The following BCKDHB variants were observed in gnomAD, a reference collection of about 807,000 sequenced individuals.
BCKDHB encodes the protein 2-oxoisovalerate dehydrogenase subunit beta, mitochondrial.
BCKDHB carries 41 observed loss-of-function variants against 48.5 expected under a neutral mutation model. The observed-to-expected ratio is 0.85, with a 90% CI of 0.66 to 1.10. BCKDHB has a LOEUF of 1.10. Among genes scored for constraint, BCKDHB ranks in the 50% least tolerant of loss-of-function variants. BCKDHB has a pLI of 0.00. For missense variants in BCKDHB, 496 were observed against 494.2 expected (o/e 1.00, Z -0.03); for synonymous variants, 201 against 174.8 (o/e 1.15, Z -1.18).
the BCKDHB span, among the ~76,000 whole-genome samples, chr6:80,377,735 T>C: frequency 6.6e-6 from 1 of 152,232 alleles, no homozygotes; most frequent in Non-Finnish European, 1.5e-5. Context: ...TGTTGTTGTT[T>C]TGCAGTAAAT....
At chr6:80,434,221 C>T in the BCKDHB span, among the ~76,000 whole-genome samples, 1 of 151,782 alleles carries the variant, frequency 6.6e-6, no homozygotes, top group East Asian at 1.9e-4. Context: ...TTCTTCATCT[C>T]GTTTGAGCCA....
chr6:80,207,027 A>G (rs529569899), intron 8 of BCKDHB, among the ~76,000 whole-genome samples: 3 of 152,194 alleles, frequency 2.0e-5, no homozygotes, highest in South Asian at 2.1e-4. Context: ...AAAATAGTTT[A>G]GGCAAACAGA....
At chr6:80,451,943 G>A in the BCKDHB span, among the ~76,000 whole-genome samples, 1 of 152,138 alleles carries the variant, frequency 6.6e-6, no homozygotes, top group Non-Finnish European at 1.5e-5. Context: ...TATCTGTGAT[G>A]TCAAATAATC....
intron 3 of BCKDHB, among the ~76,000 whole-genome samples, chr6:80,159,259 G>A (rs1443723574): frequency 4.0e-5 from 6 of 151,266 alleles, no homozygotes; most frequent in Admixed American, 1.3e-4. Context: ...CCTGCACATT[G>A]TGCACATGTA....
At chr6:80,184,933 A>G (rs1350798928) in intron 6 of BCKDHB, among the ~76,000 whole-genome samples, 1 of 152,184 alleles carries the variant, frequency 6.6e-6, no homozygotes, top group African/African-American at 2.4e-5. Context: ...TCTTTTTGCA[A>G]TAAATTTCCC....
intron 5 of BCKDHB, 33 bp from the exon 6 acceptor site, chr6:80,171,249 C>A (rs1480095104): frequency 7.4e-7 from 1 of 1,345,916 alleles, no homozygotes; most frequent in Non-Finnish European, 1.1e-6. Flanking sequence ...TATATTTTTA[C>A]TAAAATTGTC....
Position 80,344,356 on chromosome 6 carries a change from T to C in BCKDHB, c.*552T>C, listed in dbSNP as rs2128021306. The C allele has an allele frequency of 6.3e-6, 1 of 157,952 alleles. No homozygotes were observed. The highest frequency in any genetic ancestry group is 1.4e-5 in the Non-Finnish European group (1 of 72,084). The allele number at this position is 157,952 out of a possible 1,614,324, so 9.8% of individuals were successfully genotyped here. On this transcript the variant is annotated 3_prime_UTR_variant, in exon 10 of 10. Coordinates refer to ENST00000320393, the MANE Select transcript of BCKDHB (RefSeq NM_183050.4). ...TAGCATATGTATATGTGATTTTTTT[T>C]TTTTTTTTGAGACCGAGTCTCACTC... is the stretch of plus-strand genomic sequence containing the variant.
In BCKDHB at chr6:80,111,501, C is replaced by T. The variant is rs990089434; in HGVS notation, c.196+4612C>T. Reference sequence around the variant, plus strand: ...TTAATATAGTCCTTTATCCAATTCTCGTTTTTCTTGCATTTGAAGCAAGAG... The same window carrying T: ...TTAATATAGTCCTTTATCCAATTCTTGTTTTTCTTGCATTTGAAGCAAGAG... On this transcript the variant is annotated intron_variant, in intron 1 of 9. Transcript: ENST00000320393. Among the ~76,000 whole-genome samples the T allele has an allele frequency of 1.8e-4, 28 of 152,148 alleles. 1 individual carries two copies. The highest frequency in any genetic ancestry group is 3.7e-4 in the Non-Finnish European group (25 of 68,036).
chr6:80,120,830 A>G (rs867192843), intron 1 of BCKDHB, among the ~76,000 whole-genome samples: 3 of 152,058 alleles, frequency 2.0e-5, no homozygotes, highest in African/African-American at 7.2e-5. Flanking sequence ...CACTCTGATG[A>G]TAGTTTATTT....
chr6:80,372,191 C>T, the BCKDHB span, among the ~76,000 whole-genome samples: 3 of 150,944 alleles, frequency 2.0e-5, no homozygotes, highest in African/African-American at 7.3e-5. Context: ...TTGTAGAGGT[C>T]CTTGTTTAGG....
rs1020432085 is a variant in BCKDHB, at chr6:80,301,258, CA to C, written c.1038+28044del. Among the ~76,000 whole-genome samples the C allele has an allele frequency of 3.3e-5, 5 of 151,604 alleles. No homozygotes were observed. In the East Asian group the frequency reaches 9.7e-4, roughly 29 times the overall value. ...TCAATGAAACCAAGAGGTCGTTCTT[CA>C]AAAAAACAATAAGATTGACAGAACA... On this transcript the variant is annotated intron_variant, in intron 9 of 9. Transcript: ENST00000320393.
At chr6:80,409,575 C>T in the BCKDHB span, among the ~76,000 whole-genome samples, 4 of 50,326 alleles carry the variant, frequency 7.9e-5, no homozygotes, top group Non-Finnish European at 1.4e-4. Flanking sequence ...GTATTGGTTG[C>T]ATATATATAT....
chr6:80,172,059 T>C (rs904262098), intron 6 of BCKDHB, among the ~76,000 whole-genome samples: 1 of 152,156 alleles, frequency 6.6e-6, no homozygotes, highest in African/African-American at 2.4e-5. Flanking sequence ...CACTTTCTGA[T>C]TGCCATCAGA....
At chr6:80,364,053 CA>C in the BCKDHB span, among the ~76,000 whole-genome samples, 2 of 152,226 alleles carry the variant, frequency 1.3e-5, no homozygotes, top group Non-Finnish European at 2.9e-5. Flanking sequence ...AACAAACACA[CA>C]ACACTTTCTT....
intron 6 of BCKDHB, among the ~76,000 whole-genome samples, chr6:80,177,547 G>T (rs945139891): frequency 2.2e-4 from 33 of 151,908 alleles, no homozygotes; most frequent in African/African-American, 7.5e-4. Flanking sequence ...AAACATGAGT[G>T]TTTTTCCTAA....
intron 6 of BCKDHB, among the ~76,000 whole-genome samples, chr6:80,183,386 C>T (rs774756523): frequency 6.6e-6 from 1 of 151,994 alleles, no homozygotes; most frequent in Non-Finnish European, 1.5e-5. Flanking sequence ...AGAGTGAAAA[C>T]CTTGTGTTTT....
rs981308787 is a variant in BCKDHB at position 80,246,685 on chromosome 6, A to G, written c.952-26450A>G. 1.8e-4 allele frequency among the ~76,000 whole-genome samples: 27 copies of G among 152,190 alleles called. 1 individual carries two copies. Among genetic ancestry groups the G allele is most frequent in the Non-Finnish European group, 3.8e-4 (26 of 68,030 alleles). ...TATGCTGTCTACCCAACACTGGCTTACAGAATCCAAAATGGCTCTCCCAGA... is the reference window on the plus strand; with the variant it reads ...TATGCTGTCTACCCAACACTGGCTTGCAGAATCCAAAATGGCTCTCCCAGA... On this transcript the variant is annotated intron_variant, in intron 8 of 9. Transcript: ENST00000320393.
chr6:80,151,824 G>T (rs144111940), intron 3 of BCKDHB, among the ~76,000 whole-genome samples: 1 of 152,180 alleles, frequency 6.6e-6, no homozygotes, highest in African/African-American at 2.4e-5. Context: ...GAAATTGACA[G>T]CTTGGTAATG....
At chr6:80,423,031 C>T in the BCKDHB span, among the ~76,000 whole-genome samples, 2 of 152,120 alleles carry the variant, frequency 1.3e-5, no homozygotes, top group Non-Finnish European at 2.9e-5. Flanking sequence ...TGTGTCCCCA[C>T]CCAAAATTAT....
Sources: gnomAD v4.1 joint callset for allele counts (sites outside exome capture counted in the v4.1 genomes callset) on GRCh38, gnomAD v4.1.1 for gene constraint, MANE v1.5 for transcripts, NCBI Gene and HGNC (gene_info 2026-07-23, HGNC 2026-07-21) for gene names.